Variants in SLIT3 observed in about 807,000 individuals in gnomAD.
SLIT3 encodes the protein slit homolog 3 protein.
A neutral mutation model predicts 184.0 loss-of-function variants in SLIT3; 68 were observed. The observed-to-expected ratio is 0.37, with a 90% CI of 0.30 to 0.45. The LOEUF (loss-of-function observed/expected upper bound fraction) is 0.45, where lower values mean the gene tolerates loss of function less well. Ranked by LOEUF, SLIT3 falls within the 20% of genes least tolerant of loss-of-function variation. The pLI is 1.00. For missense variants in SLIT3, 1,707 were observed against 2,026.0 expected, an observed-to-expected ratio of 0.84 and a Z score of 3.02; for synonymous variants, 831 against 828.6, an observed-to-expected ratio of 1.00 and a Z score of -0.05.
intron 4 of SLIT3, among the ~76,000 whole-genome samples, chr5:168,963,650 T>C (rs1006013793): frequency 6.6e-6 from 1 of 152,248 alleles, no homozygotes; most frequent in African/African-American, 2.4e-5. Context: ...TAAGCCTTGC[T>C]TGTCTAGCAG....
chr5:168,755,141 C>T (rs1047492411), intron 16 of SLIT3, among the ~76,000 whole-genome samples: 5 of 152,154 alleles, frequency 3.3e-5, no homozygotes, highest in African/African-American at 9.7e-5. Context: ...TTATTATTAT[C>T]GTCTCATTTT....
intron 20 of SLIT3, among the ~76,000 whole-genome samples, chr5:168,740,869 C>A (rs1052008318): frequency 2.0e-5 from 3 of 152,248 alleles, no homozygotes; most frequent in Non-Finnish European, 4.4e-5. Flanking sequence ...GGGCTATCGT[C>A]ATGGCATTTC....
At chr5:169,025,676 G>C (rs1036305775) in intron 4 of SLIT3, among the ~76,000 whole-genome samples, 1 of 152,038 alleles carries the variant, frequency 6.6e-6, no homozygotes, top group Admixed American at 6.5e-5. Context: ...ACAGCTCTAG[G>C]GGCCTCCTAG....
At chr5:168,970,407 A>G (rs765586138) in intron 4 of SLIT3, among the ~76,000 whole-genome samples, 12 of 150,860 alleles carry the variant, frequency 8.0e-5, no homozygotes, top group Non-Finnish European at 1.2e-4. Context: ...GGGCAAGATA[A>G]TTGCTTGAAC....
intron 3 of SLIT3, among the ~76,000 whole-genome samples, chr5:169,242,494 C>T (rs982197839): frequency 1.3e-5 from 2 of 152,206 alleles, no homozygotes; most frequent in African/African-American, 2.4e-5. Context: ...AATCTGCAAA[C>T]TTCCCATGTG....
intron 4 of SLIT3, among the ~76,000 whole-genome samples, chr5:169,067,130 C>T (rs773140989): frequency 2.6e-5 from 4 of 152,150 alleles, no homozygotes; most frequent in Non-Finnish European, 5.9e-5. Flanking sequence ...GACGAATTGG[C>T]CGGGTACAGT....
At chr5:169,298,043 T>C (rs1367763319) in intron 1 of SLIT3, among the ~76,000 whole-genome samples, 1 of 151,982 alleles carries the variant, frequency 6.6e-6, no homozygotes, top group Non-Finnish European at 1.5e-5. Context: ...TGAGAGAGAG[T>C]GTGGTGCAGG....
At chr5:168,847,602 A>G (rs757320731) in intron 5 of SLIT3, among the ~76,000 whole-genome samples, 14 of 152,246 alleles carry the variant, frequency 9.2e-5, no homozygotes, top group Non-Finnish European at 1.9e-4. Context: ...AACAAAGTAA[A>G]TACACACTTG....
At chr5:168,980,143 A>G (rs1169899106) in intron 4 of SLIT3, among the ~76,000 whole-genome samples, 1 of 151,982 alleles carries the variant, frequency 6.6e-6, no homozygotes, top group Admixed American at 6.6e-5. Flanking sequence ...TCTAGTAACC[A>G]TTTGTTTGTG....
intron 4 of SLIT3, among the ~76,000 whole-genome samples, chr5:169,019,001 TC>T (rs1308036213): frequency 2.0e-5 from 3 of 151,966 alleles, no homozygotes; most frequent in Non-Finnish European, 1.5e-5. Context: ...ACGCCCCGAG[TC>T]TCCAGGCCAA....
In SLIT3 at chr5:169,226,181, C is replaced by A. The variant is rs147553753; in HGVS notation, c.341+18524G>T. Among the ~76,000 whole-genome samples, 876 of 152,192 alleles carry A rather than the reference C, an allele frequency of 5.8e-3. 13 individuals are homozygous for A. The highest frequency in any genetic ancestry group is 0.02 in the African/African-American group (810 of 41,534). ...TGCCCACTAACCACTTACAGCTGGG[C>A]AGCAGGCACTCTGGAGACACAGAGC... On this transcript the variant is annotated intron_variant, in intron 3 of 35. Coordinates refer to ENST00000519560, the MANE Select transcript of SLIT3 (RefSeq NM_003062.4).
At chr5:169,257,603 G>A (rs534097034) in intron 1 of SLIT3, among the ~76,000 whole-genome samples, 37 of 126,558 alleles carry the variant, frequency 2.9e-4, no homozygotes, top group African/African-American at 1.1e-3. Context: ...CTGGAGTGCA[G>A]TGGCACGATC....
chr5:169,068,821 A>G (rs1409374999), intron 4 of SLIT3, among the ~76,000 whole-genome samples: 1 of 145,796 alleles, frequency 6.9e-6, no homozygotes, highest in African/African-American at 2.5e-5. Context: ...ACCCTCTTAA[A>G]TATCCACATT....
At chr5:169,204,451 T>A (rs1216941937) in intron 3 of SLIT3, among the ~76,000 whole-genome samples, 1 of 152,044 alleles carries the variant, frequency 6.6e-6, no homozygotes, top group Non-Finnish European at 1.5e-5. Context: ...TGTGGTCAAG[T>A]CGGGTTTTAT....
intron 4 of SLIT3, among the ~76,000 whole-genome samples, chr5:169,191,489 G>A (rs1235291998): frequency 6.6e-6 from 1 of 152,166 alleles, no homozygotes; most frequent in African/African-American, 2.4e-5. Context: ...AATTGTAGGA[G>A]TAATAATAGT....
chr5:169,269,675 G>A (rs1766531222), intron 1 of SLIT3, among the ~76,000 whole-genome samples: 1 of 152,244 alleles, frequency 6.6e-6, no homozygotes, highest in South Asian at 2.1e-4. Context: ...CCCCATTCAG[G>A]CAGAAGCCAC....
intron 3 of SLIT3, among the ~76,000 whole-genome samples, chr5:169,233,836 G>C (rs936935409): frequency 6.7e-6 from 1 of 149,910 alleles, no homozygotes; most frequent in Non-Finnish European, 1.5e-5. Flanking sequence ...CCTATTTTTC[G>C]AATCATTGCC....
At chr5:169,075,059 C>G (rs1161580086) in intron 4 of SLIT3, among the ~76,000 whole-genome samples, 1 of 151,988 alleles carries the variant, frequency 6.6e-6, no homozygotes, top group African/African-American at 2.4e-5. Flanking sequence ...CACAGAAGGC[C>G]AACTGTCAAG....
chr5:169,117,041 G>A (rs762071024), intron 4 of SLIT3, among the ~76,000 whole-genome samples: 1 of 152,120 alleles, frequency 6.6e-6, no homozygotes, highest in Non-Finnish European at 1.5e-5. Context: ...GCTTGAAAGG[G>A]TTGGCTCCAC....
Sources: gnomAD v4.1 joint callset for allele counts (sites outside exome capture counted in the v4.1 genomes callset) on GRCh38, gnomAD v4.1.1 for gene constraint, MANE v1.5 for transcripts, NCBI Gene and HGNC (gene_info 2026-07-23, HGNC 2026-07-21) for gene names.